The following MTMR10 variants were observed in gnomAD, a reference collection of about 807,000 sequenced individuals.
MTMR10 encodes the protein myotubularin related protein 10.
MTMR10 carries 56 observed loss-of-function variants against 88.1 expected under a neutral mutation model. That is an observed-to-expected ratio of 0.64 (90% confidence interval 0.51 to 0.79). The LOEUF is 0.79. MTMR10 is among the 30% of genes least tolerant of loss of function. The pLI, the probability that MTMR10 is intolerant of heterozygous loss-of-function variation, is 0.00. For synonymous variants in MTMR10, 380 were observed against 340.9 expected, an observed-to-expected ratio of 1.11 and a Z score of -1.26; for missense variants, 883 against 924.7, an observed-to-expected ratio of 0.95 and a Z score of 0.58.
intron 15 of MTMR10, 113 bp from the exon 16 acceptor site, chr15:30,942,185 A>G: frequency 7.7e-7 from 1 of 1,304,980 alleles, no homozygotes; most frequent in Non-Finnish European, 1.0e-6. Flanking sequence ...TTTCAGCCTC[A>G]AAGAACATTT....
At chr15:30,970,603 G>A (rs1174315332) in intron 5 of MTMR10, among the ~76,000 whole-genome samples, 1 of 152,124 alleles carries the variant, frequency 6.6e-6, no homozygotes, top group Non-Finnish European at 1.5e-5. Context: ...TAATACTAAT[G>A]TCTATCACAT....
intron 9 of MTMR10, among the ~76,000 whole-genome samples, chr15:30,955,556 C>T (rs2063314714): frequency 6.6e-6 from 1 of 152,186 alleles, no homozygotes; most frequent in Non-Finnish European, 1.5e-5. Context: ...AGGCGTGAGC[C>T]ACCGCGCCCG....
intron 2 of MTMR10, among the ~76,000 whole-genome samples, chr15:30,982,808 T>C (rs1465866371): frequency 6.6e-6 from 1 of 152,160 alleles, no homozygotes; most frequent in Non-Finnish European, 1.5e-5. Flanking sequence ...ACGTAAGTCA[T>C]TTGTTCATAA....
At chr15:30,925,258 G>T in the MTMR10 span, 1 of 1,614,194 alleles carries the variant, frequency 6.2e-7, no homozygotes, top group South Asian at 1.1e-5. Context: ...TCTTCCAGCA[G>T]CTCCCAGAAA....
At chr15:30,982,838 T>C (rs2030669569) in intron 2 of MTMR10, among the ~76,000 whole-genome samples, 1 of 152,198 alleles carries the variant, frequency 6.6e-6, no homozygotes, top group Non-Finnish European at 1.5e-5. Context: ...AAAGGAATGC[T>C]GAAGAGGAGC....
chr15:30,936,951 G>C (rs1039636079), downstream of MTMR10, among the ~76,000 whole-genome samples: 4 of 152,130 alleles, frequency 2.6e-5, no homozygotes, highest in African/African-American at 4.8e-5. Flanking sequence ...AAATCCTAAG[G>C]TGAACCATTG....
intron 9 of MTMR10, among the ~76,000 whole-genome samples, chr15:30,955,442 C>T (rs11636451): frequency 0.15 from 22,946 of 152,080 alleles, 1,980 homozygotes; most frequent in Non-Finnish European, 0.18. Context: ...GGCTAAATTT[C>T]TGTATTTTTA....
At chr15:30,920,036 T>C in the MTMR10 span, among the ~76,000 whole-genome samples, 2 of 152,240 alleles carry the variant, frequency 1.3e-5, no homozygotes, top group African/African-American at 4.8e-5. Context: ...TTTTAGGCTT[T>C]GCAGGCCATA....
At chr15:30,937,839 A>C (rs886289156), downstream of MTMR10, among the ~76,000 whole-genome samples, 5 of 151,734 alleles carry the variant, frequency 3.3e-5, no homozygotes. Context: ...ATGTGCAAAA[A>C]GCTGGAAAAC....
chr15:30,935,227 G>A (rs2062818830), downstream of MTMR10, among the ~76,000 whole-genome samples: 1 of 152,044 alleles, frequency 6.6e-6, no homozygotes, highest in African/African-American at 2.4e-5. Flanking sequence ...AGAACTGCTT[G>A]AGGCTGGGAG....
intron 6 of MTMR10, among the ~76,000 whole-genome samples, chr15:30,963,654 T>TAGATACATAGACAGAC (rs1555409473): frequency 6.9e-6 from 1 of 145,874 alleles, no homozygotes; most frequent in Non-Finnish European, 1.5e-5. Context: ...AATAGACAGA[T>TAGATACATAGACAGAC]AGATAGATAG....
chr15:30,948,666 G>A (rs2063203964), intron 12 of MTMR10, 195 bp from the exon 13 acceptor site: 5 of 598,284 alleles, frequency 8.4e-6, no homozygotes, highest in Non-Finnish European at 1.5e-5. Flanking sequence ...GCATTTAATA[G>A]GAGATGGTCT....
the MTMR10 span, among the ~76,000 whole-genome samples, chr15:30,933,064 T>C: frequency 1.3e-5 from 2 of 152,188 alleles, no homozygotes; most frequent in Non-Finnish European, 2.9e-5. Flanking sequence ...TCTTTATCTC[T>C]GTCATGCTCT....
chr15:30,954,948 T>C, intron 9 of MTMR10, 55 bp from the exon 10 acceptor site: 1 of 1,453,990 alleles, frequency 6.9e-7, no homozygotes, highest in African/African-American at 1.4e-5. Flanking sequence ...CATATATTTA[T>C]TTAACCCTTA....
At chr15:30,943,346 T>TA in intron 14 of MTMR10, 1 of 985,216 alleles carries the variant, frequency 1.0e-6, no homozygotes, top group Non-Finnish European at 1.2e-6. Context: ...AGAATGTTAT[T>TA]AAGAGAAGTT....
the MTMR10 span, among the ~76,000 whole-genome samples, chr15:30,932,745 G>A: frequency 0.012 from 1,530 of 131,118 alleles, 9 homozygotes; most frequent in Middle Eastern, 0.026. Context: ...ATGGAGTCTC[G>A]CTCTGTCGCC....
rs138664775 is a variant in MTMR10, at chr15:30,941,324, T to G, written c.*146A>C. ...AAAATAAGTGTGAAAGAAGCATGAT[T>G]CAACATGTTTTTAAATATTAGTGCA... On this transcript the variant is annotated 3_prime_UTR_variant, in exon 16 of 16. Transcript: ENST00000435680. The G allele has an allele frequency of 3.4e-5, 52 of 1,530,918 alleles. No individual in the cohort carries two copies. In the East Asian group the frequency reaches 1.3e-3, roughly 37 times the overall value. 94.8% of individuals were successfully genotyped at this position (1,530,918 alleles called of 1,614,324 possible). A position where few individuals can be genotyped will look rare whatever the true frequency, so the allele number is the denominator to read the frequency against.
intron 13 of MTMR10, among the ~76,000 whole-genome samples, 189 bp from the exon 14 acceptor site, chr15:30,947,489 A>G (rs2063187982): frequency 6.6e-6 from 1 of 152,262 alleles, no homozygotes; most frequent in Non-Finnish European, 1.5e-5. Context: ...CGTGATAAAC[A>G]TCACAACCCT....
the MTMR10 span, chr15:30,929,157 GCT>G: frequency 1.9e-6 from 3 of 1,566,338 alleles, no homozygotes; most frequent in Non-Finnish European, 2.6e-6. Flanking sequence ...GGTGAACACG[GCT>G]CTCTGCAGGC....
Sources: allele counts gnomAD v4.1 joint callset (sites outside exome capture counted in the v4.1 genomes callset), GRCh38; gene constraint gnomAD v4.1.1; transcripts MANE v1.5; gene names NCBI Gene and HGNC (gene_info 2026-07-23, HGNC 2026-07-21).